Variants in CREB1 observed in about 807,000 individuals in gnomAD.
CREB1 encodes the protein cyclic AMP-responsive element-binding protein 1.
A neutral mutation model predicts 42.0 loss-of-function variants in CREB1; 2 were observed. The ratio of observed to expected loss-of-function variants is 0.05; its 90% CI spans 0.02 to 0.15. The LOEUF (loss-of-function observed/expected upper bound fraction) is 0.15, where lower values mean the gene tolerates loss of function less well. Ranked by LOEUF, CREB1 falls within the 10% of genes least tolerant of loss-of-function variation. The pLI is 1.00. For missense variants in CREB1, 199 were observed against 388.9 expected, an observed-to-expected ratio of 0.51 and a Z score of 4.11; for synonymous variants, 123 against 139.9, an observed-to-expected ratio of 0.88 and a Z score of 0.85.
intron 1 of CREB1, among the ~76,000 whole-genome samples, chr2:207,534,943 C>T (rs371361790): frequency 6.6e-6 from 1 of 152,158 alleles, no homozygotes; most frequent in Non-Finnish European, 1.5e-5. Context: ...TTACCCCCAC[C>T]ACTTAATATG....
At chr2:207,539,072 G>T (rs747406951) in intron 1 of CREB1, among the ~76,000 whole-genome samples, 9 of 143,452 alleles carry the variant, frequency 6.3e-5, no homozygotes, top group Non-Finnish European at 1.3e-4. Flanking sequence ...GAGGAATCTC[G>T]CTCTGTCTCC....
chr2:207,592,326 A>G (rs979384065), intron 7 of CREB1, among the ~76,000 whole-genome samples: 3 of 151,914 alleles, frequency 2.0e-5, no homozygotes, highest in Admixed American at 6.6e-5. Flanking sequence ...AAAATCACTT[A>G]AACCCGGGAG....
intron 5 of CREB1, 63 bp from the exon 6 acceptor site, chr2:207,575,209 T>C: frequency 1.4e-6 from 2 of 1,459,628 alleles, no homozygotes; most frequent in Admixed American, 1.8e-5. Context: ...CTACATTGGA[T>C]GTAATGTTTT....
At position 207,555,686 on chromosome 2, in the gene CREB1, A is replaced by G. The variant is rs1264865162; in HGVS notation, c.51A>G (p.Val17=). The G allele has an allele frequency of 1.2e-6, 2 of 1,613,704 alleles. No individual in the cohort carries two copies. Among genetic ancestry groups the G allele is most frequent in the Non-Finnish European group, 8.5e-7 (1 of 1,179,794 alleles). ...AENQQSGDAA[V]TEAENQQMTV... is the part of the protein sequence containing the mutation. ...ACCAGCAGAGTGGAGATGCAGCTGT[A>G]ACAGAAGCTGAAAACCAACAAATGA... Residue 17 remains valine, a synonymous_variant, in exon 2 of 8, where the codon GTA becomes GTG. Transcript: ENST00000353267.
intron 7 of CREB1, among the ~76,000 whole-genome samples, chr2:207,580,270 G>A (rs746999137): frequency 6.6e-6 from 1 of 152,124 alleles, no homozygotes; most frequent in Non-Finnish European, 1.5e-5. Context: ...ACTGATTCCA[G>A]TATGCAGCCA....
intron 1 of CREB1, among the ~76,000 whole-genome samples, chr2:207,545,100 A>C (rs1314627063): frequency 6.6e-6 from 1 of 152,232 alleles, no homozygotes; most frequent in African/African-American, 2.4e-5. Context: ...TTGCTGGGTC[A>C]AATGGTATTT....
chr2:207,542,323 GTTTTTGTTTTTGTT>G (rs907608270), intron 1 of CREB1, among the ~76,000 whole-genome samples: 4 of 152,026 alleles, frequency 2.6e-5, no homozygotes, highest in Non-Finnish European at 5.9e-5. Context: ...GGGGTTTTGG[GTTTTTGTTTTTGTT>G]TTTTTGTTTA....
At position 207,586,086 on chromosome 2, in the gene CREB1, A is replaced by G. The variant is rs564325530; in HGVS notation, c.839+8431A>G. On this transcript the variant is annotated intron_variant, in intron 7 of 7. Coordinates refer to ENST00000353267, the MANE Select transcript of CREB1 (RefSeq NM_004379.5). ...ACACTATTTTCAAACTCAAAAGTCA[A>G]AAACAAAGAAAAAATTCTTATGGAA... Among the ~76,000 whole-genome samples, 5 of 152,354 alleles carry G rather than the reference A, an allele frequency of 3.3e-5. No individual in the cohort carries two copies. The East Asian group carries it at 9.6e-4, about 29-fold the overall frequency.
intron 1 of CREB1, among the ~76,000 whole-genome samples, chr2:207,538,946 T>C (rs1396309190): frequency 2.0e-5 from 3 of 152,202 alleles, no homozygotes; most frequent in Non-Finnish European, 4.4e-5. Flanking sequence ...CTGTTATCCC[T>C]GTTGGTATAA....
rs780243458 is a variant in CREB1 at position 207,597,158 on chromosome 2, T to C, written c.*100T>C. On this transcript the variant is annotated 3_prime_UTR_variant, in exon 8 of 8. Coordinates refer to ENST00000353267, the MANE Select transcript of CREB1 (RefSeq NM_004379.5). ...ATTTTATTTTCTAAACATTTCTTTT[T>C]TTCTATGCGCAAAACTGCCTGAAAG... The C allele has an allele frequency of 4.1e-5, 55 of 1,325,900 alleles. No individual in the cohort carries two copies. Among genetic ancestry groups the C allele is most frequent in the Non-Finnish European group, 5.3e-5 (53 of 993,474 alleles). 82.1% of individuals were successfully genotyped at this position (1,325,900 alleles called of 1,614,324 possible).
At position 207,605,161 on chromosome 2, in the gene CREB1, G is replaced by T. The variant is rs1038387323; in HGVS notation, c.*8103G>T. Among the ~76,000 whole-genome samples the T allele has an allele frequency of 6.6e-6, 1 of 152,132 alleles. No individual in the cohort carries two copies. Among genetic ancestry groups the T allele is most frequent in the Non-Finnish European group, 1.5e-5 (1 of 68,014 alleles). ...GGAACTGTCAAACTTTCCCTCAGCAGCTGTACCGTTTTACCTTCCACCATT... is the reference window on the plus strand; with the variant it reads ...GGAACTGTCAAACTTTCCCTCAGCATCTGTACCGTTTTACCTTCCACCATT... On this transcript the variant is annotated 3_prime_UTR_variant, in exon 8 of 8. Coordinates refer to ENST00000353267, the MANE Select transcript of CREB1 (RefSeq NM_004379.5).
intron 2 of CREB1, among the ~76,000 whole-genome samples, chr2:207,557,899 G>A (rs2081794468): frequency 6.6e-6 from 1 of 152,252 alleles, no homozygotes; most frequent in African/African-American, 2.4e-5. Flanking sequence ...AGAAGACTCA[G>A]GAAAGAGAAC....
chr2:207,598,909 A>G lies in CREB1; in HGVS notation c.*1851A>G, dbSNP rs2086613689. On this transcript the variant is annotated 3_prime_UTR_variant, in exon 8 of 8. Transcript: ENST00000353267. ...TTTAAAAAAGAGTTGAGACACTTAG[A>G]AAACTAATGTTTTATATTTAGTCAA... is the stretch of plus-strand genomic sequence containing the variant. 1 of 180,152 alleles carries G rather than the reference A, an allele frequency of 5.6e-6. No homozygotes were observed. Among genetic ancestry groups the G allele is most frequent in the South Asian group, 2.0e-4 (1 of 5,072 alleles). 11.2% of individuals were successfully genotyped at this position (180,152 alleles called of 1,614,324 possible).
Position 207,601,362 on chromosome 2 carries a change from T to C in CREB1, c.*4304T>C, listed in dbSNP as rs2106636867. The C allele has an allele frequency of 5.4e-6, 1 of 185,874 alleles. No individual in the cohort carries two copies. The highest frequency in any genetic ancestry group is 1.1e-5 in the Non-Finnish European group (1 of 87,746). 11.5% of individuals were successfully genotyped at this position (185,874 alleles called of 1,614,324 possible). A position where few individuals can be genotyped will look rare whatever the true frequency, so the allele number is the denominator to read the frequency against. On this transcript the variant is annotated 3_prime_UTR_variant, in exon 8 of 8. Coordinates refer to ENST00000353267, the MANE Select transcript of CREB1 (RefSeq NM_004379.5). ...TCCTCTCTTCAAATCATGTGACTTT[T>C]TAAATGGAAGTTTTTCATTGATTAA... is the stretch of plus-strand genomic sequence containing the variant.
At chr2:207,572,225 CAAAAA>C (rs35000643) in intron 5 of CREB1, among the ~76,000 whole-genome samples, 2 of 98,888 alleles carry the variant, frequency 2.0e-5, no homozygotes, top group Non-Finnish European at 3.9e-5. Context: ...GATTCCGTCT[CAAAAA>C]AAAAAAAAAA....
intron 1 of CREB1, among the ~76,000 whole-genome samples, chr2:207,538,026 T>C (rs4675682): frequency 0.38 from 57,712 of 152,080 alleles, 12,884 homozygotes; most frequent in East Asian, 0.64. Flanking sequence ...TGAAGGTAAT[T>C]TTATACAAAA....
intron 7 of CREB1, among the ~76,000 whole-genome samples, chr2:207,595,090 G>A (rs1233991500): frequency 6.6e-6 from 1 of 150,846 alleles, no homozygotes; most frequent in Non-Finnish European, 1.5e-5. Flanking sequence ...CTGCCTCCCG[G>A]GTTTAAGTGA....
rs2086416670 is a variant in CREB1 at position 207,597,828 on chromosome 2, A to C, written c.*770A>C. 1 of 193,314 alleles carries C rather than the reference A, an allele frequency of 5.2e-6. No homozygotes were observed. Among genetic ancestry groups the C allele is most frequent in the Non-Finnish European group, 1.1e-5 (1 of 92,694 alleles). The allele number at this position is 193,314 out of a possible 1,614,324, so 12.0% of individuals were successfully genotyped here. ...TGGTATTTGAATTTTAAATTAAAGCAAAGTAAATAAAAGTACAAAGCATAT... is the reference window on the plus strand; with the variant it reads ...TGGTATTTGAATTTTAAATTAAAGCCAAGTAAATAAAAGTACAAAGCATAT... On this transcript the variant is annotated 3_prime_UTR_variant, in exon 8 of 8. Coordinates refer to ENST00000353267, the MANE Select transcript of CREB1 (RefSeq NM_004379.5).
chr2:207,593,312 GC>G (rs2085445181), intron 7 of CREB1, among the ~76,000 whole-genome samples: 1 of 152,160 alleles, frequency 6.6e-6, no homozygotes. Context: ...GATAGCTTGA[GC>G]CCAGGAATTC....
Sources: gnomAD v4.1 joint callset for allele counts (sites outside exome capture counted in the v4.1 genomes callset) on GRCh38, gnomAD v4.1.1 for gene constraint, MANE v1.5 for transcripts, NCBI Gene and HGNC (gene_info 2026-07-23, HGNC 2026-07-21) for gene names.